Variants in RARB observed in about 807,000 individuals in gnomAD.
The protein encoded by RARB is retinoic acid receptor beta.
Under a neutral mutation model 51.9 loss-of-function variants are expected in RARB, and 17 were observed. The ratio of observed to expected loss-of-function variants is 0.33; its 90% CI spans 0.22 to 0.49. RARB has a LOEUF of 0.49. Among genes scored for constraint, RARB ranks in the 20% least tolerant of loss-of-function variants. The probability of loss-of-function intolerance (pLI) is 0.99; values close to 1 mark genes in which losing one functional copy is unlikely to be tolerated. For missense variants in RARB, 369 were observed against 550.8 expected, an observed-to-expected ratio of 0.67 and a Z score of 3.30; for synonymous variants, 215 against 195.4, an observed-to-expected ratio of 1.10 and a Z score of -0.84.
intron 2 of RARB, among the ~76,000 whole-genome samples, chr3:24,961,649 C>T (rs181038833): frequency 4.6e-5 from 7 of 152,254 alleles, no homozygotes; most frequent in African/African-American, 9.6e-5. Context: ...GGAGTTCTGA[C>T]GGTCCAGTTA....
In RARB at chr3:24,865,067, A is replaced by C. The variant is rs538018503; in HGVS notation, c.-380+6315A>C. On this transcript the variant is annotated intron_variant, in intron 2 of 11. Transcript: ENST00000383772. Reference sequence around the variant, plus strand: ...TGCCAAAAGGTTTTTCCAGAAATACATGTCTCCCTATTATATGACAAGTTC... The same window carrying C: ...TGCCAAAAGGTTTTTCCAGAAATACCTGTCTCCCTATTATATGACAAGTTC... Among the ~76,000 whole-genome samples, 4 of 152,312 alleles carry C rather than the reference A, an allele frequency of 2.6e-5. No individual in the cohort carries two copies. In the South Asian group the frequency reaches 8.3e-4, roughly 32 times the overall value.
intron 2 of RARB, among the ~76,000 whole-genome samples, chr3:25,014,226 A>T (rs1285554535): frequency 6.6e-6 from 1 of 151,810 alleles, no homozygotes; most frequent in African/African-American, 2.4e-5. Context: ...CCACCAAGAG[A>T]TGGAGTCCCT....
At chr3:24,941,007 T>C (rs918728354) in intron 2 of RARB, among the ~76,000 whole-genome samples, 1 of 152,110 alleles carries the variant, frequency 6.6e-6, no homozygotes, top group African/African-American at 2.4e-5. Flanking sequence ...AAATTTTGAA[T>C]CGTTTACCAT....
intron 2 of RARB, among the ~76,000 whole-genome samples, chr3:24,962,209 G>A (rs1696156871): frequency 6.6e-6 from 1 of 151,674 alleles, no homozygotes; most frequent in Admixed American, 6.6e-5. Flanking sequence ...GATTACAGGT[G>A]TGAGCCACCT....
intron 2 of RARB, among the ~76,000 whole-genome samples, chr3:25,497,111 C>A (rs752296478): frequency 1.3e-5 from 2 of 152,138 alleles, no homozygotes; most frequent in Non-Finnish European, 2.9e-5. Flanking sequence ...CTCGAACTCC[C>A]GACCCTCAGG....
intron 5 of RARB, among the ~76,000 whole-genome samples, chr3:25,256,615 A>G (rs997366139): frequency 6.6e-6 from 1 of 152,120 alleles, no homozygotes; most frequent in Non-Finnish European, 1.5e-5. Flanking sequence ...TTTTTATTTG[A>G]GCAAATATAA....
At chr3:24,924,142 A>C (rs1695271014) in intron 2 of RARB, among the ~76,000 whole-genome samples, 1 of 151,930 alleles carries the variant, frequency 6.6e-6, no homozygotes, top group Admixed American at 6.6e-5. Context: ...TAAACTCTCT[A>C]TTTTTGTAGG....
chr3:24,898,747 A>G (rs542828074), intron 2 of RARB, among the ~76,000 whole-genome samples: 9 of 152,180 alleles, frequency 5.9e-5, no homozygotes, highest in African/African-American at 1.4e-4. Flanking sequence ...TAACCCCACT[A>G]TGGTAGCTGC....
At chr3:25,142,153 G>A (rs1458454920) in intron 4 of RARB, among the ~76,000 whole-genome samples, 2 of 152,072 alleles carry the variant, frequency 1.3e-5, no homozygotes, top group African/African-American at 2.4e-5. Flanking sequence ...CCAACGTGGC[G>A]AAACCCCGTC....
chr3:24,855,784 G>C (rs1209833351), intron 1 of RARB, among the ~76,000 whole-genome samples: 3 of 117,842 alleles, frequency 2.5e-5, no homozygotes, highest in African/African-American at 3.5e-5. Context: ...GTCACTCTCT[G>C]TCGCCCAGGC....
rs568830954 is a variant in RARB at position 25,096,100 on chromosome 3, A to T, written c.-328+35924A>T. 3.3e-5 allele frequency among the ~76,000 whole-genome samples: 5 copies of T among 152,294 alleles called. No homozygotes were observed. In the East Asian group the frequency reaches 7.7e-4, roughly 24 times the overall value. On this transcript the variant is annotated intron_variant, in intron 3 of 11. Transcript: ENST00000383772. Reference sequence around the variant, plus strand: ...TCAACATTATAATTTTAAGTAACTCAGTATATTAACCAATTTCCCTAATGC... The same window carrying T: ...TCAACATTATAATTTTAAGTAACTCTGTATATTAACCAATTTCCCTAATGC...
chr3:25,541,978 A>G (rs1020865696), intron 3 of RARB, among the ~76,000 whole-genome samples: 3 of 152,194 alleles, frequency 2.0e-5, no homozygotes, highest in African/African-American at 7.2e-5. Flanking sequence ...TTGTCAACTG[A>G]AGAAGGAAGA....
chr3:25,075,229 C>G (rs1408663652), intron 3 of RARB, among the ~76,000 whole-genome samples: 1 of 152,100 alleles, frequency 6.6e-6, no homozygotes, highest in African/African-American at 2.4e-5. Flanking sequence ...GCGTTTTGTC[C>G]TCGAGTTTGC....
chr3:25,331,560 A>G (rs1233552752), intron 5 of RARB, among the ~76,000 whole-genome samples: 2 of 152,228 alleles, frequency 1.3e-5, no homozygotes, highest in Non-Finnish European at 1.5e-5. Context: ...CTAAATGCCC[A>G]CAAGAGAAAG....
In RARB at chr3:25,597,557, T is replaced by G. The variant is rs1038988060; in HGVS notation, c.*941T>G. On this transcript the variant is annotated 3_prime_UTR_variant, in exon 8 of 8. Coordinates refer to ENST00000330688, the MANE Select transcript of RARB (RefSeq NM_000965.5). ...TGGTCTACCACCTGGACCATGTAAC[T>G]CTAGTGTCCTTCCTGATTCATGCCT... is the stretch of plus-strand genomic sequence containing the variant. 11 of 152,602 alleles carry G rather than the reference T, an allele frequency of 7.2e-5. No homozygotes were observed. The highest frequency in any genetic ancestry group is 2.7e-4 in the African/African-American group (11 of 41,418). 9.5% of individuals were successfully genotyped at this position (152,602 alleles called of 1,614,324 possible).
chr3:25,030,475 G>T (rs944465269), intron 2 of RARB, among the ~76,000 whole-genome samples: 1 of 152,192 alleles, frequency 6.6e-6, no homozygotes, highest in African/African-American at 2.4e-5. Context: ...TAATAATGGT[G>T]ATGTCAAAGA....
In RARB at chr3:24,968,216, A is replaced by G. The variant is rs1451533205; in HGVS notation, c.-379-91909A>G. ...CATAAATATGTGTAAATCTAATGCCATCTGCCACATTGTCCAAAGTGGACT... is the reference window on the plus strand; with the variant it reads ...CATAAATATGTGTAAATCTAATGCCGTCTGCCACATTGTCCAAAGTGGACT... On this transcript the variant is annotated intron_variant, in intron 2 of 11. Coordinates refer to the RARB transcript ENST00000383772. 2.6e-5 allele frequency among the ~76,000 whole-genome samples: 4 copies of G among 152,268 alleles called. No homozygotes were observed. The Middle Eastern group carries it at 0.01, about 388-fold the overall frequency.
intron 4 of RARB, among the ~76,000 whole-genome samples, chr3:25,571,054 G>A (rs766503329): frequency 2.4e-4 from 37 of 152,192 alleles, no homozygotes; most frequent in Non-Finnish European, 4.3e-4. Flanking sequence ...GTGACCAGGA[G>A]CAGGCCCAGA....
chr3:25,138,215 C>T (rs1700060154), intron 4 of RARB, among the ~76,000 whole-genome samples: 1 of 152,006 alleles, frequency 6.6e-6, no homozygotes, highest in South Asian at 2.1e-4. Context: ...GGGGAATAGT[C>T]AAATTACCAC....
Sources: allele counts gnomAD v4.1 joint callset (sites outside exome capture counted in the v4.1 genomes callset), GRCh38; gene constraint gnomAD v4.1.1; transcripts MANE v1.5; gene names NCBI Gene and HGNC (gene_info 2026-07-23, HGNC 2026-07-21).